TMC1: variants seen among roughly 807,000 people sequenced by gnomAD.
TMC1 encodes transmembrane channel like 1.
Under a neutral mutation model 105.8 loss-of-function variants are expected in TMC1, and 84 were observed. The observed-to-expected ratio is 0.79, with a 90% CI of 0.67 to 0.95. TMC1 has a LOEUF of 0.95. TMC1 is among the 40% of genes least tolerant of loss of function. TMC1 has a pLI of 0.00. For missense variants in TMC1, 817 were observed against 914.1 expected (o/e 0.89, Z 1.37); for synonymous variants, 315 against 311.5 (o/e 1.01, Z -0.12).
chr9:72,685,283 T>G (rs1826361413), intron 5 of TMC1, among the ~76,000 whole-genome samples: 1 of 151,170 alleles, frequency 6.6e-6, no homozygotes, highest in Non-Finnish European at 1.5e-5. Flanking sequence ...ATTTTTTATA[T>G]TTTTAGTAGA....
chr9:72,743,345 C>T (rs1416432142), intron 10 of TMC1, among the ~76,000 whole-genome samples: 1 of 141,996 alleles, frequency 7.0e-6, no homozygotes, highest in African/African-American at 2.6e-5. Flanking sequence ...CCAGCCTGGG[C>T]GACAGAGCGA....
intron 1 of TMC1, among the ~76,000 whole-genome samples, chr9:72,545,819 G>A (rs554409843): frequency 6.6e-6 from 1 of 152,184 alleles, no homozygotes; most frequent in Non-Finnish European, 1.5e-5. Flanking sequence ...AAAGGATATG[G>A]TTGGTGAAAT....
At chr9:72,760,557 C>T (rs576813544) in intron 12 of TMC1, among the ~76,000 whole-genome samples, 1 of 152,090 alleles carries the variant, frequency 6.6e-6, no homozygotes, top group African/African-American at 2.4e-5. Flanking sequence ...ACATTTGGAT[C>T]CACTCTCTTG....
At chr9:72,824,757 T>G (rs1828926328) in intron 20 of TMC1, among the ~76,000 whole-genome samples, 1 of 152,182 alleles carries the variant, frequency 6.6e-6, no homozygotes, top group Admixed American at 6.5e-5. Context: ...AGGGTAGGTA[T>G]ATGTAAAATA....
intron 2 of TMC1, among the ~76,000 whole-genome samples, chr9:72,597,712 C>G (rs1010686592): frequency 1.3e-5 from 2 of 152,164 alleles, no homozygotes; most frequent in African/African-American, 4.8e-5. Context: ...CTCTTTGGCT[C>G]CCCAGTGGAG....
intron 2 of TMC1, among the ~76,000 whole-genome samples, chr9:72,597,884 C>T (rs538087875): frequency 6.6e-6 from 1 of 152,148 alleles, no homozygotes; most frequent in South Asian, 2.1e-4. Flanking sequence ...ATCTTCATTC[C>T]ATAACCTCAC....
intron 5 of TMC1, 50 bp downstream of exon 5, chr9:72,648,714 G>A (rs1185484268): frequency 1.3e-6 from 2 of 1,514,280 alleles, no homozygotes; most frequent in South Asian, 1.1e-5. Flanking sequence ...TTTCTGAGAG[G>A]TATAAAGGTA....
intron 1 of TMC1, among the ~76,000 whole-genome samples, chr9:72,568,403 T>C (rs1313942454): frequency 2.0e-5 from 3 of 152,236 alleles, no homozygotes; most frequent in Non-Finnish European, 4.4e-5. Flanking sequence ...ATTCTAGTTA[T>C]GAATATAATC....
At chr9:72,542,050 G>A (rs10869186) in intron 1 of TMC1, among the ~76,000 whole-genome samples, 79,754 of 152,060 alleles carry the variant, frequency 0.52, 21,865 homozygotes, top group African/African-American at 0.69. Context: ...GAGGCCGGGC[G>A]TGGTGGTTCA....
At chr9:72,814,343 CAG>C (rs1828749611) in intron 18 of TMC1, among the ~76,000 whole-genome samples, 1 of 152,202 alleles carries the variant, frequency 6.6e-6, no homozygotes, top group South Asian at 2.1e-4. Flanking sequence ...GAAAAAGACT[CAG>C]AGTTAATGTT....
intron 17 of TMC1, among the ~76,000 whole-genome samples, chr9:72,793,151 G>A (rs1437471938): frequency 1.3e-5 from 2 of 152,150 alleles, no homozygotes; most frequent in African/African-American, 4.8e-5. Context: ...AGAGACCCGG[G>A]AGCCTTAGAT....
At chr9:72,753,719 C>T (rs1827622772) in intron 11 of TMC1, among the ~76,000 whole-genome samples, 1 of 152,156 alleles carries the variant, frequency 6.6e-6, no homozygotes, top group South Asian at 2.1e-4. Context: ...CAGTCATCTC[C>T]TGGCAGCAAC....
At chr9:72,707,272 C>T (rs1826758503) in intron 8 of TMC1, among the ~76,000 whole-genome samples, 1 of 152,142 alleles carries the variant, frequency 6.6e-6, no homozygotes, top group Non-Finnish European at 1.5e-5. Context: ...TGGGTAGATA[C>T]CCTGTAGTGG....
intron 2 of TMC1, among the ~76,000 whole-genome samples, chr9:72,579,171 A>G (rs1300960269): frequency 6.6e-6 from 1 of 152,224 alleles, no homozygotes; most frequent in East Asian, 1.9e-4. Flanking sequence ...TTAAAGGTGC[A>G]AGTCATTGTA....
At chr9:72,769,668 G>A (rs1336126300) in intron 12 of TMC1, among the ~76,000 whole-genome samples, 1 of 152,178 alleles carries the variant, frequency 6.6e-6, no homozygotes, top group Non-Finnish European at 1.5e-5. Context: ...ACTTCATAGT[G>A]TTCTCCTGAG....
intron 2 of TMC1, among the ~76,000 whole-genome samples, chr9:72,609,179 CCCTTCCTTCCTTCCTTCCTTCCTTCCTT>C (rs60808924): frequency 7.3e-6 from 1 of 136,056 alleles, no homozygotes; most frequent in African/African-American, 2.9e-5. Flanking sequence ...CTTCCTCCTT[CCCTTCCTTCCTTCCTTCCTTCCTTCCTT>C]CCTTCCTTCC....
chr9:72,596,489 C>G (rs952556374), intron 2 of TMC1, among the ~76,000 whole-genome samples: 2 of 112,532 alleles, frequency 1.8e-5, no homozygotes, highest in South Asian at 5.7e-4. Context: ...ATTTGATGAA[C>G]AGAAATAATG....
intron 1 of TMC1, among the ~76,000 whole-genome samples, chr9:72,551,957 T>A (rs554371134): frequency 6.6e-6 from 1 of 152,176 alleles, no homozygotes; most frequent in Non-Finnish European, 1.5e-5. Context: ...AGATTGTCTC[T>A]GAGAGCCTCT....
At chr9:72,530,794 T>C (rs1823486429) in intron 1 of TMC1, among the ~76,000 whole-genome samples, 1 of 151,240 alleles carries the variant, frequency 6.6e-6, no homozygotes, top group Admixed American at 6.6e-5. Flanking sequence ...CTTTAGGATA[T>C]CTAATTTGCC....
Sources: allele counts gnomAD v4.1 joint callset (sites outside exome capture counted in the v4.1 genomes callset), GRCh38; gene constraint gnomAD v4.1.1; transcripts MANE v1.5; gene names NCBI Gene and HGNC (gene_info 2026-07-23, HGNC 2026-07-21).